The following CLNS1A variants were observed in gnomAD, a reference collection of about 807,000 sequenced individuals.
The protein encoded by CLNS1A is chloride nucleotide-sensitive channel 1A, also known as methylosome subunit pICln.
Under a neutral mutation model 29.4 loss-of-function variants are expected in CLNS1A, and 16 were observed. The ratio of observed to expected loss-of-function variants is 0.54; its 90% CI spans 0.37 to 0.83. The LOEUF is 0.83. Among genes scored for constraint, CLNS1A ranks in the 40% least tolerant of loss-of-function variants. The probability of loss-of-function intolerance (pLI) is 0.00; values close to 1 mark genes in which losing one functional copy is unlikely to be tolerated. For missense variants in CLNS1A, 235 were observed against 287.4 expected (o/e 0.82, Z 1.32); for synonymous variants, 96 against 104.8 (o/e 0.92, Z 0.51).
chr11:77,618,260 T>C (rs943295054), intron 6 of CLNS1A, among the ~76,000 whole-genome samples: 3 of 152,184 alleles, frequency 2.0e-5, no homozygotes, highest in Non-Finnish European at 4.4e-5. Flanking sequence ...CAAGTATCAC[T>C]GAACTGAAAA....
chr11:77,637,792 G>A lies in CLNS1A; in HGVS notation c.-78C>T, dbSNP rs1174621009. The A allele has an allele frequency of 3.4e-6, 5 of 1,452,140 alleles. No homozygotes were observed. Among genetic ancestry groups the A allele is most frequent in the African/African-American group, 1.4e-5 (1 of 70,474 alleles). The allele number at this position is 1,452,140 out of a possible 1,614,324, so 90.0% of individuals were successfully genotyped here. A position where few individuals can be genotyped will look rare whatever the true frequency, so the allele number is the denominator to read the frequency against. On this transcript the variant is annotated 5_prime_UTR_variant, in exon 1 of 7. Coordinates refer to ENST00000525428, the MANE Select transcript of CLNS1A (RefSeq NM_001293.3). ...GTGCACCACACCGCCCGCCCTGGAAGAGGCAGTCACCCCGGAAGAACAACT... is the reference window on the plus strand; with the variant it reads ...GTGCACCACACCGCCCGCCCTGGAAAAGGCAGTCACCCCGGAAGAACAACT...
intron 1 of CLNS1A, among the ~76,000 whole-genome samples, chr11:77,630,180 C>T (rs757933376): frequency 6.6e-6 from 1 of 152,136 alleles, no homozygotes; most frequent in Non-Finnish European, 1.5e-5. Flanking sequence ...CATGCTTACT[C>T]TTTTTTGGTA....
At chr11:77,622,821 G>A (rs1347608232) in intron 4 of CLNS1A, 148 bp from the exon 5 acceptor site, 7 of 558,978 alleles carry the variant, frequency 1.3e-5, no homozygotes, top group African/African-American at 5.7e-5. Context: ...GGTGGCACGC[G>A]CCTGTTGTCC....
At chr11:77,619,178 A>G (rs1310821150) in intron 6 of CLNS1A, among the ~76,000 whole-genome samples, 4 of 152,250 alleles carry the variant, frequency 2.6e-5, no homozygotes, top group Non-Finnish European at 2.9e-5. Context: ...ATAATGGAGT[A>G]GCAAATAAAT....
At chr11:77,628,971 T>C (rs568737535) in intron 2 of CLNS1A, among the ~76,000 whole-genome samples, 1 of 152,264 alleles carries the variant, frequency 6.6e-6, no homozygotes, top group East Asian at 1.9e-4. Context: ...ACACCAATAA[T>C]ACCCTTCCTC....
chr11:77,635,337 T>C (rs545159322), intron 1 of CLNS1A, among the ~76,000 whole-genome samples: 1 of 151,218 alleles, frequency 6.6e-6, no homozygotes, highest in Non-Finnish European at 1.5e-5. Context: ...ACAACTTTTC[T>C]TTAGGTTTGA....
In CLNS1A at chr11:77,615,257, T is replaced by C. The variant is rs1467369317; in HGVS notation, c.*1461A>G. ...AACTTCTAGGATAGAATTATGGGTG[T>C]TGCTCAGATGGGTAGCAGAGAAACT... is the stretch of plus-strand genomic sequence containing the variant. On this transcript the variant is annotated 3_prime_UTR_variant, in exon 7 of 7. Coordinates refer to ENST00000525428, the MANE Select transcript of CLNS1A (RefSeq NM_001293.3). 3.3e-5 allele frequency: 5 copies of C among 152,234 alleles called. 1 individual carries two copies. The highest frequency in any genetic ancestry group is 2.0e-4 in the Admixed American group (3 of 15,282). The allele number at this position is 152,234 out of a possible 1,614,324, so 9.4% of individuals were successfully genotyped here.
intron 2 of CLNS1A, among the ~76,000 whole-genome samples, chr11:77,626,841 G>A (rs1263021826): frequency 2.0e-5 from 3 of 150,636 alleles, no homozygotes; most frequent in Admixed American, 1.3e-4. Context: ...ACAGGCGCCC[G>A]CCACCACACC....
intron 3 of CLNS1A, 60 bp downstream of exon 3, chr11:77,625,657 G>A: frequency 7.1e-7 from 1 of 1,406,772 alleles, no homozygotes; most frequent in Non-Finnish European, 9.8e-7. Context: ...ATGTGTGTGT[G>A]TGTCAATTGG....
chr11:77,628,878 G>C (rs1159808214), intron 2 of CLNS1A, among the ~76,000 whole-genome samples: 1 of 152,190 alleles, frequency 6.6e-6, no homozygotes, highest in East Asian at 1.9e-4. Context: ...CATTTGGATG[G>C]AATAATTCTT....
intron 6 of CLNS1A, 115 bp downstream of exon 6, chr11:77,619,491 T>C (rs1393863886): frequency 1.7e-5 from 12 of 725,634 alleles, no homozygotes. Flanking sequence ...GCCACTGCAC[T>C]CTAGCCTGGG....
At chr11:77,635,112 T>C (rs1371423859) in intron 1 of CLNS1A, among the ~76,000 whole-genome samples, 1 of 152,194 alleles carries the variant, frequency 6.6e-6, no homozygotes, top group African/African-American at 2.4e-5. Flanking sequence ...GGCTAAGAAT[T>C]TTTTAAAAGC....
intron 1 of CLNS1A, among the ~76,000 whole-genome samples, chr11:77,637,008 C>G (rs1281123740): frequency 6.6e-6 from 1 of 151,996 alleles, no homozygotes; most frequent in African/African-American, 2.4e-5. Context: ...GCATATGACC[C>G]CTGTCTGTGT....
intron 5 of CLNS1A, 84 bp downstream of exon 5, chr11:77,622,416 G>C: frequency 5.2e-6 from 5 of 969,890 alleles, no homozygotes; most frequent in Non-Finnish European, 7.6e-6. Context: ...CTTTCTCTTA[G>C]TTATTAAAAG....
At chr11:77,621,679 C>T (rs140231074) in intron 5 of CLNS1A, among the ~76,000 whole-genome samples, 31 of 152,310 alleles carry the variant, frequency 2.0e-4, no homozygotes, top group African/African-American at 6.5e-4. Flanking sequence ...TAAATTTATG[C>T]ATCAACTTGG....
At chr11:77,620,197 TGTGGGAGGGATCTG>T (rs1350002539) in intron 5 of CLNS1A, among the ~76,000 whole-genome samples, 3 of 152,134 alleles carry the variant, frequency 2.0e-5, no homozygotes, top group Non-Finnish European at 4.4e-5. Flanking sequence ...TCCCACGTGT[TGTGGGAGGGATCTG>T]GTGGGAGGTA....
In CLNS1A at chr11:77,619,636, C is replaced by T. The variant is rs772786486; in HGVS notation, c.706G>A (p.Asp236Asn). The T allele has an allele frequency of 4.0e-5, 65 of 1,613,090 alleles. No homozygotes were observed. Among genetic ancestry groups the T allele is most frequent in the South Asian group, 1.9e-4 (17 of 91,050 alleles). Residue 236 changes from aspartate (D) to asparagine (N), a missense_variant, in exon 6 of 7, where the codon GAT (aspartate) becomes AAT (asparagine). Coordinates refer to ENST00000525428, the MANE Select transcript of CLNS1A (RefSeq NM_001293.3). ...ACTTGCATAAATCATTTTCAGTGAT[C>T]AACATCTGCATCCTCAAACTGTCCA... Reference protein sequence around the residue: ...VAGQFEDADVDH With the variant: ...VAGQFEDADVNH
At chr11:77,621,325 AC>A (rs1285959215) in intron 5 of CLNS1A, among the ~76,000 whole-genome samples, 2 of 148,434 alleles carry the variant, frequency 1.3e-5, no homozygotes, top group African/African-American at 5.0e-5. Flanking sequence ...ACACACACAC[AC>A]AATCAGTGTA....
intron 1 of CLNS1A, among the ~76,000 whole-genome samples, chr11:77,632,853 C>T (rs1300545065): frequency 6.6e-6 from 1 of 151,844 alleles, no homozygotes; most frequent in Non-Finnish European, 1.5e-5. Flanking sequence ...TTTGGGAGGC[C>T]GAGGTGGATG....
Sources: gnomAD v4.1 joint callset for allele counts (sites outside exome capture counted in the v4.1 genomes callset) on GRCh38, gnomAD v4.1.1 for gene constraint, MANE v1.5 for transcripts, NCBI Gene and HGNC (gene_info 2026-07-23, HGNC 2026-07-21) for gene names.